Variants in PPHLN1 observed in about 807,000 individuals in gnomAD.
PPHLN1 encodes periphilin 1.
Under a neutral mutation model 51.3 loss-of-function variants are expected in PPHLN1, and 29 were observed. The observed-to-expected ratio is 0.57, with a 90% CI of 0.42 to 0.77. The LOEUF is 0.77. Ranked by LOEUF, PPHLN1 falls within the 30% of genes least tolerant of loss-of-function variation. The probability of loss-of-function intolerance (pLI) is 0.00; values close to 1 mark genes in which losing one functional copy is unlikely to be tolerated. For missense variants in PPHLN1, 436 were observed against 438.4 expected, an observed-to-expected ratio of 0.99 and a Z score of 0.05; for synonymous variants, 147 against 147.8, an observed-to-expected ratio of 0.99 and a Z score of 0.04.
At chr12:42,425,246 A>ATTTTTTTTTTTT (rs34484756) in intron 9 of PPHLN1, among the ~76,000 whole-genome samples, 3 of 124,830 alleles carry the variant, frequency 2.4e-5, no homozygotes, top group Admixed American at 8.7e-5. Flanking sequence ...TGCCTGGCTA[A>ATTTTTTTTTTTT]TTTTTTTTTT....
At chr12:42,442,574 G>A, downstream of PPHLN1, 1 of 1,602,290 alleles carries the variant, frequency 6.2e-7, no homozygotes. Flanking sequence ...AAAGCCGGCA[G>A]TCCCCTAGCC....
At chr12:42,410,684 A>C (rs2079731131) in intron 9 of PPHLN1, among the ~76,000 whole-genome samples, 1 of 152,260 alleles carries the variant, frequency 6.6e-6, no homozygotes, top group Non-Finnish European at 1.5e-5. Context: ...GCTTTTAAGC[A>C]GTTAGAAAGT....
intron 9 of PPHLN1, among the ~76,000 whole-genome samples, chr12:42,427,032 G>A (rs564839040): frequency 1.6e-4 from 25 of 152,256 alleles, no homozygotes; most frequent in African/African-American, 5.1e-4. Flanking sequence ...TCAAACCAAT[G>A]TAAGACTTTT....
At chr12:42,405,315 G>T (rs2079194428) in intron 9 of PPHLN1, among the ~76,000 whole-genome samples, 2 of 152,206 alleles carry the variant, frequency 1.3e-5, no homozygotes, top group South Asian at 4.1e-4. Flanking sequence ...TTTAATTCAG[G>T]TATTGTGCCA....
In PPHLN1 at chr12:42,416,420, G is replaced by A. The variant is rs180777020; in HGVS notation, c.909+17426G>A. On this transcript the variant is annotated intron_variant, in intron 9 of 9. Coordinates refer to ENST00000358314, the MANE Select transcript of PPHLN1 (RefSeq NM_201439.2). ...TTCTGGCATTAACCACCTGGAATCA[G>A]TGCATACACACAATTAAAGGGCACA... 2.0e-3 allele frequency among the ~76,000 whole-genome samples: 308 copies of A among 152,280 alleles called. 2 individuals carry two copies. Among genetic ancestry groups the A allele is most frequent in the Admixed American group, 6.5e-3 (99 of 15,292 alleles).
downstream of PPHLN1, chr12:42,445,075 C>T (rs748441235): frequency 1.9e-5 from 13 of 702,354 alleles, no homozygotes; most frequent in South Asian, 1.9e-4. Context: ...ATTAAGTCTA[C>T]TCTCGAGCCG....
chr12:42,447,539 C>T (rs2083368855), downstream of PPHLN1: 2 of 152,184 alleles, frequency 1.3e-5, no homozygotes, highest in Non-Finnish European at 2.9e-5. Flanking sequence ...CACTCACTTC[C>T]TGGTCACTTC....
intron 4 of PPHLN1, among the ~76,000 whole-genome samples, chr12:42,367,234 T>C (rs1047547465): frequency 2.0e-5 from 3 of 152,202 alleles, no homozygotes; most frequent in African/African-American, 7.2e-5. Flanking sequence ...CTTCCAACAC[T>C]AACAGAGGTA....
At chr12:42,336,908 C>T (rs758098037) in intron 2 of PPHLN1, among the ~76,000 whole-genome samples, 1 of 152,098 alleles carries the variant, frequency 6.6e-6, no homozygotes, top group Non-Finnish European at 1.5e-5. Flanking sequence ...AACATTTAAT[C>T]CTATAGCCCA....
intron 4 of PPHLN1, among the ~76,000 whole-genome samples, chr12:42,364,561 C>G (rs1293737691): frequency 6.6e-6 from 1 of 152,078 alleles, no homozygotes; most frequent in Non-Finnish European, 1.5e-5. Context: ...GAGGTTGAGG[C>G]TGCAGTGAGC....
chr12:42,336,138 A>G (rs951906040), intron 2 of PPHLN1, among the ~76,000 whole-genome samples, 164 bp downstream of exon 2: 2 of 152,182 alleles, frequency 1.3e-5, no homozygotes, highest in African/African-American at 4.8e-5. Context: ...GTTCAAAAAT[A>G]AAAGACAACA....
At chr12:42,396,649 G>A (rs1325920501) in intron 8 of PPHLN1, among the ~76,000 whole-genome samples, 43 of 65,208 alleles carry the variant, frequency 6.6e-4, no homozygotes, top group Non-Finnish European at 9.9e-4. Context: ...AAAAAAAAAA[G>A]CTGGGTGTGG....
intron 5 of PPHLN1, among the ~76,000 whole-genome samples, chr12:42,381,139 T>A (rs1479293679): frequency 2.0e-5 from 3 of 152,206 alleles, no homozygotes; most frequent in Admixed American, 6.5e-5. Context: ...CATCACTTGA[T>A]CTAGACTATT....
At chr12:42,349,403 G>T (rs186482440) in intron 2 of PPHLN1, among the ~76,000 whole-genome samples, 1 of 151,714 alleles carries the variant, frequency 6.6e-6, no homozygotes, top group African/African-American at 2.4e-5. Context: ...GTTTTGTTTT[G>T]TTTTTTAAAT....
chr12:42,383,004 G>T (rs2076887682), intron 5 of PPHLN1, among the ~76,000 whole-genome samples: 1 of 152,096 alleles, frequency 6.6e-6, no homozygotes, highest in Non-Finnish European at 1.5e-5. Context: ...AAAACTTAGA[G>T]AATTAAAACA....
At chr12:42,410,348 A>C (rs1409760094) in intron 9 of PPHLN1, among the ~76,000 whole-genome samples, 1 of 152,124 alleles carries the variant, frequency 6.6e-6, no homozygotes, top group Non-Finnish European at 1.5e-5. Context: ...ATTTATACTA[A>C]AAATATATTC....
At chr12:42,403,699 C>G (rs565190977) in intron 9 of PPHLN1, among the ~76,000 whole-genome samples, 1 of 152,158 alleles carries the variant, frequency 6.6e-6, no homozygotes, top group Non-Finnish European at 1.5e-5. Context: ...ATATGAGTAC[C>G]TTAAGGGATG....
chr12:42,346,368 A>G (rs1193154285), intron 2 of PPHLN1, among the ~76,000 whole-genome samples: 2 of 152,084 alleles, frequency 1.3e-5, no homozygotes, highest in African/African-American at 4.8e-5. Context: ...TATTTCACTT[A>G]GCATAATGTC....
At chr12:42,343,538 C>T (rs535469439) in intron 2 of PPHLN1, among the ~76,000 whole-genome samples, 4 of 152,154 alleles carry the variant, frequency 2.6e-5, no homozygotes, top group South Asian at 2.1e-4. Context: ...CAACAGTATC[C>T]TTCCCGTTAA....
Sources: gnomAD v4.1 joint callset for allele counts (sites outside exome capture counted in the v4.1 genomes callset) on GRCh38, gnomAD v4.1.1 for gene constraint, MANE v1.5 for transcripts, NCBI Gene and HGNC (gene_info 2026-07-23, HGNC 2026-07-21) for gene names.